ATP8A2: variants seen among roughly 807,000 people sequenced by gnomAD.
ATP8A2 encodes the protein ATPase phospholipid transporting 8A2.
A neutral mutation model predicts 165.6 loss-of-function variants in ATP8A2; 100 were observed. That is an observed-to-expected ratio of 0.60 (90% CI 0.51 to 0.71). ATP8A2 has a LOEUF of 0.71. Ranked by LOEUF, ATP8A2 falls within the 30% of genes least tolerant of loss-of-function variation. ATP8A2 has a pLI of 0.00. For missense variants in ATP8A2, 1,227 were observed against 1,479.5 expected, an observed-to-expected ratio of 0.83 and a Z score of 2.80; for synonymous variants, 543 against 548.8, an observed-to-expected ratio of 0.99 and a Z score of 0.15.
chr13:25,401,439 T>C (rs2033632820), intron 1 of ATP8A2, among the ~76,000 whole-genome samples: 1 of 152,240 alleles, frequency 6.6e-6, no homozygotes, highest in African/African-American at 2.4e-5. Context: ...AGATTACTAA[T>C]AAATGTTTGT....
At chr13:25,592,324 A>G (rs185555358) in intron 24 of ATP8A2, among the ~76,000 whole-genome samples, 1 of 152,252 alleles carries the variant, frequency 6.6e-6, no homozygotes, top group Non-Finnish European at 1.5e-5. Flanking sequence ...CACCTTCAAG[A>G]CCTTGCTTTG....
chr13:25,481,633 A>G (rs967036440), intron 2 of ATP8A2, among the ~76,000 whole-genome samples: 3 of 152,246 alleles, frequency 2.0e-5, no homozygotes, highest in African/African-American at 7.2e-5. Flanking sequence ...CTGCCATAGC[A>G]AAATACATAG....
At chr13:25,584,397 C>T (rs1011254012) in intron 23 of ATP8A2, among the ~76,000 whole-genome samples, 6 of 152,090 alleles carry the variant, frequency 3.9e-5, no homozygotes, top group Non-Finnish European at 8.8e-5. Flanking sequence ...ATGGACCTGT[C>T]TCCCATAATA....
chr13:25,904,934 T>C (rs1195220005), intron 33 of ATP8A2, among the ~76,000 whole-genome samples: 1 of 152,210 alleles, frequency 6.6e-6, no homozygotes, highest in Non-Finnish European at 1.5e-5. Flanking sequence ...AGTTATGTTA[T>C]TGATGTGAGG....
chr13:25,867,660 T>C (rs940992526), intron 33 of ATP8A2, among the ~76,000 whole-genome samples: 3 of 151,864 alleles, frequency 2.0e-5, no homozygotes, highest in Non-Finnish European at 4.4e-5. Context: ...CTTCATCCCA[T>C]CCCCCCTGCC....
intron 25 of ATP8A2, among the ~76,000 whole-genome samples, chr13:25,762,551 C>G (rs2044404415): frequency 6.6e-6 from 1 of 152,086 alleles, no homozygotes; most frequent in Non-Finnish European, 1.5e-5. Context: ...GCTCCTAGGT[C>G]TGTTGTTTAT....
chr13:25,759,409 C>G (rs1371154800), intron 25 of ATP8A2, among the ~76,000 whole-genome samples: 1 of 152,190 alleles, frequency 6.6e-6, no homozygotes, highest in African/African-American at 2.4e-5. Context: ...TGTCAAAACT[C>G]AAACACTTCT....
intron 25 of ATP8A2, among the ~76,000 whole-genome samples, chr13:25,745,142 C>T (rs2044003407): frequency 6.6e-6 from 1 of 152,144 alleles, no homozygotes; most frequent in South Asian, 2.1e-4. Flanking sequence ...GGGGTTTTGC[C>T]ATGTTGGCCA....
chr13:25,902,437 C>A (rs1404684815), intron 33 of ATP8A2, among the ~76,000 whole-genome samples: 1 of 152,006 alleles, frequency 6.6e-6, no homozygotes, highest in Non-Finnish European at 1.5e-5. Flanking sequence ...CATAGGAAAC[C>A]CCATATCTGG....
intron 27 of ATP8A2, among the ~76,000 whole-genome samples, chr13:25,803,543 A>G (rs1476184809): frequency 2.0e-5 from 3 of 152,254 alleles, no homozygotes; most frequent in Non-Finnish European, 4.4e-5. Context: ...CTCCAGCCAT[A>G]TAATAAGTAA....
At chr13:25,908,923 A>C (rs1376936102) in intron 33 of ATP8A2, among the ~76,000 whole-genome samples, 1 of 152,236 alleles carries the variant, frequency 6.6e-6, no homozygotes, top group Non-Finnish European at 1.5e-5. Context: ...AGCTGAAAAT[A>C]TTATTTGGAT....
rs9581438 is a variant in ATP8A2, at chr13:25,717,430, A to C, written c.2384+18085A>C. On this transcript the variant is annotated intron_variant, in intron 25 of 36. Coordinates refer to ENST00000381655, the MANE Select transcript of ATP8A2 (RefSeq NM_016529.6). Reference sequence around the variant, plus strand: ...ATCCTGAAAAAACTAAAAAAAAAAAAAAAAAACACCAAGGTAGGCACTACC... The same window carrying C: ...ATCCTGAAAAAACTAAAAAAAAAAACAAAAAACACCAAGGTAGGCACTACC... Among the ~76,000 whole-genome samples, 866 of 151,536 alleles carry C rather than the reference A, an allele frequency of 5.7e-3. 17 individuals carry two copies. Among genetic ancestry groups the C allele is most frequent in the African/African-American group, 0.02 (823 of 41,242 alleles).
rs754129053 is a variant in ATP8A2 at position 25,577,162 on chromosome 13, C to T, written c.1782+24C>T. 17 of 1,602,600 alleles carry T rather than the reference C, an allele frequency of 1.1e-5. 1 individual carries two copies. The highest frequency in any genetic ancestry group is 6.7e-5 in the Admixed American group (4 of 59,738). ...CTGTAAGTACCGGAGAAGCGTTGTG[C>T]GTAGCGGAGTTCTTGGCAGCTTTGT... On this transcript the variant is annotated intron_variant, in intron 20 of 36. Coordinates refer to ENST00000381655, the MANE Select transcript of ATP8A2 (RefSeq NM_016529.6).
Position 25,953,680 on chromosome 13 carries a change from T to C in ATP8A2, c.3184-7895T>C, listed in dbSNP as rs1010928742. On this transcript the variant is annotated intron_variant, in intron 33 of 36. Transcript: ENST00000381655. The surrounding 1 kb of genome is among the most constrained non-coding windows in gnomAD (Gnocchi z 6.7). ...GTTCATCTCACTGGGACTGGTTAGA[T>C]AGTGGGTGCAGCCCACGGAGGGCAA... Among the ~76,000 whole-genome samples, 4 of 151,946 alleles carry C rather than the reference T, an allele frequency of 2.6e-5. No homozygotes were observed. The highest frequency in any genetic ancestry group is 5.9e-5 in the Non-Finnish European group (4 of 67,958).
At chr13:25,533,401 GT>G in intron 6 of ATP8A2, 88 bp downstream of exon 6, 1 of 740,598 alleles carries the variant, frequency 1.4e-6, no homozygotes. Context: ...TAAAGTTTCT[GT>G]TAGACACAGT....
chr13:25,421,186 T>C (rs1471993245), intron 1 of ATP8A2, among the ~76,000 whole-genome samples: 1 of 152,244 alleles, frequency 6.6e-6, no homozygotes, highest in African/African-American at 2.4e-5. Flanking sequence ...ATAGTGGTCC[T>C]AGCATTGCAG....
intron 24 of ATP8A2, among the ~76,000 whole-genome samples, chr13:25,672,564 A>G (rs1395763636): frequency 1.3e-5 from 2 of 152,176 alleles, no homozygotes; most frequent in Non-Finnish European, 2.9e-5. Context: ...CTTTTTTTAA[A>G]AAAAGGACAT....
chr13:26,002,812 G>A (rs73155965), intron 35 of ATP8A2, among the ~76,000 whole-genome samples: 10,409 of 151,250 alleles, frequency 0.069, 521 homozygotes, highest in Non-Finnish European at 0.11. Context: ...TATAGCAAAC[G>A]ATAGGATGTC....
chr13:25,495,095 C>A (rs535414443), intron 2 of ATP8A2, among the ~76,000 whole-genome samples: 2 of 152,226 alleles, frequency 1.3e-5, no homozygotes, highest in Admixed American at 1.3e-4. Context: ...TTCCTGAGCA[C>A]GTTGAGGACA....
Sources: gnomAD v4.1 joint callset for allele counts (sites outside exome capture counted in the v4.1 genomes callset) on GRCh38, gnomAD v4.1.1 for gene constraint, Gnocchi (gnomAD v3.1) non-coding constraint, MANE v1.5 for transcripts, NCBI Gene and HGNC (gene_info 2026-07-23, HGNC 2026-07-21) for gene names.